The following GPR143 variants were observed in gnomAD, a reference collection of about 807,000 sequenced individuals.
GPR143 encodes G protein-coupled receptor 143, also known as G-protein coupled receptor 143.
A neutral mutation model predicts 27.6 loss-of-function variants in GPR143; 8 were observed. The ratio of observed to expected loss-of-function variants is 0.29; its 90% confidence interval spans 0.17 to 0.52. The LOEUF (loss-of-function observed/expected upper bound fraction) is 0.52, where lower values mean the gene tolerates loss of function less well. Among genes scored for constraint, GPR143 ranks in the 20% least tolerant of loss-of-function variants. GPR143 has a pLI of 0.96. For missense variants in GPR143, 303 were observed against 343.1 expected (o/e 0.88, Z 0.92); for synonymous variants, 156 against 153.2 (o/e 1.02, Z -0.13).
chrX:9,772,546 G>A (rs188412267), intron 1 of GPR143, among the ~76,000 whole-genome samples: 1 of 111,492 alleles, frequency 9.0e-6, no homozygotes, highest in East Asian at 2.8e-4. Context: ...AACTGACCTG[G>A]GCGCAGTGGC....
At chrX:9,760,101 T>C (rs1202672167) in intron 2 of GPR143, among the ~76,000 whole-genome samples, 2 of 112,271 alleles carry the variant, frequency 1.8e-5, no homozygotes, top group Non-Finnish European at 3.8e-5. Flanking sequence ...GTTTTATTTT[T>C]TTTCTTTGAA....
At chrX:9,753,191 C>T (rs1230929946) in intron 3 of GPR143, among the ~76,000 whole-genome samples, 1 of 110,144 alleles carries the variant, frequency 9.1e-6, no homozygotes, top group Non-Finnish European at 1.9e-5. Context: ...AACCCCATCT[C>T]TACTAAAAAT....
intron 4 of GPR143, among the ~76,000 whole-genome samples, chrX:9,748,240 T>A (rs996327851): frequency 1.8e-5 from 2 of 112,077 alleles, no homozygotes; most frequent in Non-Finnish European, 3.8e-5. Context: ...TACTTAAGAG[T>A]GGGCATGAGA....
At position 9,771,711 on chromosome X, in the gene GPR143, C is replaced by CTTT. The variant is rs58257808; in HGVS notation, c.-2-10888_-2-10886dup. 4.4e-4 allele frequency among the ~76,000 whole-genome samples: 42 copies of CTTT among 94,626 alleles called. 1 individual carries two copies. Among genetic ancestry groups the CTTT allele is most frequent in the East Asian group, 3.4e-3 (10 of 2,970 alleles). The allele number at this position is 94,626 out of a possible 115,157, so 82.2% of individuals were successfully genotyped here. On this transcript the variant is annotated intron_variant, in intron 1 of 7. Coordinates refer to the GPR143 transcript ENST00000447366. ...AACTAAGCCATGGAGCATTCTCTCT[C>CTTT]TTTTTTTTTTTTTTTTGGATGGAGT...
Position 9,765,604 on chromosome X carries a change from G to T in GPR143, c.214C>A (p.Arg72Ser). 2 of 1,041,013 alleles carry T rather than the reference G, an allele frequency of 1.9e-6. No individual in the cohort carries two copies. The highest frequency in any genetic ancestry group is 2.9e-5 in the South Asian group (1 of 34,844). 85.8% of individuals were successfully genotyped at this position (1,041,013 alleles called of 1,213,427 possible). Residue 72 changes from arginine to serine, a missense_variant, in exon 1 of 9, where the codon CGC becomes AGC. By Grantham distance (110) the Arg-to-Ser change is moderately radical. Transcript: ENST00000467482. ...AGAAGGTCGCAGGCAGCGGCAGCGCGCAGGATGCGGACCGAGGCCGGCGGG... is the reference window on the plus strand; with the variant it reads ...AGAAGGTCGCAGGCAGCGGCAGCGCTCAGGATGCGGACCGAGGCCGGCGGG... The part of the protein sequence containing the change: ...TSPPASVRIL[R>S]AAAACDLLGC...
intron 1 of GPR143, among the ~76,000 whole-genome samples, chrX:9,776,151 A>C (rs1386492832): frequency 8.9e-6 from 1 of 111,939 alleles, no homozygotes; most frequent in African/African-American, 3.2e-5. Flanking sequence ...TTCCCTCAAC[A>C]CTGCACTGCG....
chrX:9,765,538 T>C, intron 1 of GPR143, 30 bp downstream of exon 1: 1 of 1,079,105 alleles, frequency 9.3e-7, no homozygotes, highest in East Asian at 4.0e-5. Flanking sequence ...GCTGATCAGA[T>C]TCCAACCCGC....
upstream of GPR143, among the ~76,000 whole-genome samples, chrX:9,768,578 G>A (rs183475861): frequency 2.4e-3 from 269 of 112,030 alleles, no homozygotes; most frequent in Non-Finnish European, 4.5e-3. Flanking sequence ...TACTGGGGAG[G>A]ATGAGGTGGG....
rs199669298 is a variant in GPR143, at chrX:9,771,703, TTC to T, written c.-2-10879_-2-10878del. 1.1e-4 allele frequency among the ~76,000 whole-genome samples: 5 copies of T among 45,329 alleles called. 1 individual carries two copies. The highest frequency in any genetic ancestry group is 2.3e-4 in the Non-Finnish European group (5 of 21,824). The allele number at this position is 45,329 out of a possible 115,157, so 39.4% of individuals were successfully genotyped here. A position where few individuals can be genotyped will look rare whatever the true frequency, so the allele number is the denominator to read the frequency against. ...TAGCATCCAACTAAGCCATGGAGCA[TTC>T]TCTCTCTTTTTTTTTTTTTTTTGGA... On this transcript the variant is annotated intron_variant, in intron 1 of 7. Transcript: ENST00000447366.
chrX:9,748,047 A>G (rs1208125045), intron 4 of GPR143: 1 of 121,157 alleles, frequency 8.3e-6, no homozygotes, highest in Non-Finnish European at 1.7e-5. Flanking sequence ...GAAATGCTTG[A>G]GACAGTTCCA....
upstream of GPR143, among the ~76,000 whole-genome samples, chrX:9,768,083 T>A (rs1473076467): frequency 9.0e-6 from 1 of 111,661 alleles, no homozygotes; most frequent in African/African-American, 3.3e-5. Flanking sequence ...GTAGTCAGAA[T>A]CTCATCAGTG....
intron 6 of GPR143, among the ~76,000 whole-genome samples, chrX:9,742,925 G>A (rs985122508): frequency 3.6e-5 from 4 of 111,165 alleles, no homozygotes; most frequent in African/African-American, 1.3e-4. Flanking sequence ...TGGCCAACAT[G>A]GTGAAACCTC....
chrX:9,771,707 C>T (rs868452251), intron 1 of GPR143, among the ~76,000 whole-genome samples: 3,295 of 35,589 alleles, frequency 0.093, 175 homozygotes, highest in African/African-American at 0.25. Context: ...GGAGCATTCT[C>T]TCTCTTTTTT....
intron 8 of GPR143, chrX:9,738,519 A>G (rs771383570): frequency 4.7e-5 from 35 of 743,747 alleles, no homozygotes; most frequent in Non-Finnish European, 5.6e-5. Context: ...ACAGTACGGT[A>G]TCATGGAATC....
intron 3 of GPR143, among the ~76,000 whole-genome samples, chrX:9,756,753 T>C (rs1042256463): frequency 1.8e-5 from 2 of 112,589 alleles, no homozygotes; most frequent in African/African-American, 6.4e-5. Context: ...AGGATGTGGA[T>C]AAACTGCAAC....
chrX:9,777,413 G>T (rs779962374), intron 1 of GPR143, among the ~76,000 whole-genome samples: 45 of 111,393 alleles, frequency 4.0e-4, no homozygotes, highest in Non-Finnish European at 7.4e-4. Flanking sequence ...CTGTTAGCCT[G>T]CTGGGCAGCC....
At chrX:9,755,122 T>C (rs988610302) in intron 3 of GPR143, among the ~76,000 whole-genome samples, 3 of 112,151 alleles carry the variant, frequency 2.7e-5, no homozygotes, top group African/African-American at 6.5e-5. Context: ...AAGTGTGGCA[T>C]GAAACTAAGT....
At position 9,771,407 on chromosome X, in the gene GPR143, G is replaced by A. The variant is rs561347474; in HGVS notation, c.-2-10581C>T. Among the ~76,000 whole-genome samples the A allele has an allele frequency of 9.0e-5, 10 of 111,269 alleles. No individual in the cohort carries two copies. The South Asian group carries it at 3.8e-3, about 42-fold the overall frequency. ...TAGGGAGACATGTGAAGTGGCATCA[G>A]GCCTGAGAATGGTACTAGTTCAACT... is the stretch of plus-strand genomic sequence containing the variant. On this transcript the variant is annotated intron_variant, in intron 1 of 7. Transcript: ENST00000447366.
chrX:9,737,441 C>T (rs906926108), intron 8 of GPR143, among the ~76,000 whole-genome samples: 2 of 112,181 alleles, frequency 1.8e-5, no homozygotes, highest in Non-Finnish European at 3.8e-5. Flanking sequence ...AAACACTATC[C>T]GAAGTACAAG....
Sources: gnomAD v4.1 joint callset for allele counts (sites outside exome capture counted in the v4.1 genomes callset) on GRCh38, gnomAD v4.1.1 for gene constraint, MANE v1.5 for transcripts, NCBI Gene and HGNC (gene_info 2026-07-23, HGNC 2026-07-21) for gene names.